HEPHL1: variants seen among roughly 807,000 people sequenced by gnomAD.
The protein encoded by HEPHL1 is hephaestin like 1.
In HEPHL1, 123 loss-of-function variants were observed where a neutral mutation model predicts 122.0. That is an observed-to-expected ratio of 1.01 (90% CI 0.87 to 1.17). The LOEUF is 1.17. Ranked by LOEUF, HEPHL1 falls within the 50% of genes most tolerant of loss-of-function variation. The probability of loss-of-function intolerance (pLI) is 0.00; values close to 1 mark genes in which losing one functional copy is unlikely to be tolerated. For synonymous variants in HEPHL1, 527 were observed against 508.9 expected, an observed-to-expected ratio of 1.04 and a Z score of -0.48; for missense variants, 1,452 against 1,430.5, an observed-to-expected ratio of 1.01 and a Z score of -0.24.
At chr11:94,042,793 T>TGCAGC (rs1232652724) in intron 1 of HEPHL1, among the ~76,000 whole-genome samples, 39 of 138,900 alleles carry the variant, frequency 2.8e-4, no homozygotes, top group Admixed American at 4.6e-4. Context: ...AGTTAGTGGG[T>TGCAGC]GCAGCGCACC....
chr11:94,108,107 G>T (rs1297634657), intron 17 of HEPHL1, among the ~76,000 whole-genome samples: 2 of 152,062 alleles, frequency 1.3e-5, no homozygotes, highest in East Asian at 3.9e-4. Flanking sequence ...TTGGGGAGGG[G>T]ATATAGTGGT....
At chr11:94,107,240 C>G (rs979136914) in intron 17 of HEPHL1, among the ~76,000 whole-genome samples, 1 of 152,162 alleles carries the variant, frequency 6.6e-6, no homozygotes, top group East Asian at 1.9e-4. Flanking sequence ...TATATTTCAA[C>G]GTTGTTTACG....
At chr11:94,063,017 G>T (rs890653733) in intron 2 of HEPHL1, among the ~76,000 whole-genome samples, 3 of 152,088 alleles carry the variant, frequency 2.0e-5, no homozygotes, top group African/African-American at 7.2e-5. Context: ...CTGCCCAACA[G>T]AACTATATGA....
Position 94,036,857 on chromosome 11 carries a change from A to T in HEPHL1, c.171-8816A>T, listed in dbSNP as rs555390720. Among the ~76,000 whole-genome samples, 92 of 149,588 alleles carry T rather than the reference A, an allele frequency of 6.2e-4. 1 individual carries two copies. The East Asian group carries it at 0.017, about 28-fold the overall frequency. On this transcript the variant is annotated intron_variant, in intron 1 of 19. Coordinates refer to ENST00000315765, the MANE Select transcript of HEPHL1 (RefSeq NM_001098672.2). ...CCGTCTCAAAAAAAAAAAAAAAAAAAGGGAGGAGCCAAGATGGCCGAATAG... is the reference window on the plus strand; with the variant it reads ...CCGTCTCAAAAAAAAAAAAAAAAAATGGGAGGAGCCAAGATGGCCGAATAG...
At position 94,088,856 on chromosome 11, in the gene HEPHL1, C is replaced by T. The variant is rs188202152; in HGVS notation, c.2182C>T (p.Arg728Trp). The T allele has an allele frequency of 7.4e-6, 12 of 1,613,932 alleles. No individual in the cohort carries two copies. The East Asian group carries it at 2.5e-4, about 33-fold the overall frequency. The change falls in exon 12 of 20, where the codon CGG becomes TGG. Residue 728 changes from arginine to tryptophan, a missense_variant. Coordinates refer to ENST00000315765, the MANE Select transcript of HEPHL1 (RefSeq NM_001098672.2). ...TGACAACAGGGACCCTTCTGAGCAG[C>T]GGTACGGGATGATAAGAACTTTTTA... ...SCDNRDPSEQ[R>W]YGMIRTFYIA...
intron 1 of HEPHL1, among the ~76,000 whole-genome samples, chr11:94,024,882 A>T (rs1945611242): frequency 6.6e-6 from 1 of 152,174 alleles, no homozygotes; most frequent in African/African-American, 2.4e-5. Flanking sequence ...CCTATGGAGG[A>T]TCCAGTACAG....
chr11:94,036,877 G>A lies in HEPHL1; in HGVS notation c.171-8796G>A, dbSNP rs768808943. 5.3e-5 allele frequency among the ~76,000 whole-genome samples: 8 copies of A among 150,088 alleles called. No individual in the cohort carries two copies. The South Asian group carries it at 8.5e-4, about 16-fold the overall frequency. On this transcript the variant is annotated intron_variant, in intron 1 of 19. Transcript: ENST00000315765. Reference sequence around the variant, plus strand: ...AAAAAAGGGAGGAGCCAAGATGGCCGAATAGGAACAGCTCTGGTCTACAGC... The same window carrying A: ...AAAAAAGGGAGGAGCCAAGATGGCCAAATAGGAACAGCTCTGGTCTACAGC...
chr11:94,026,047 G>A (rs1399635136), intron 1 of HEPHL1, among the ~76,000 whole-genome samples: 1 of 152,100 alleles, frequency 6.6e-6, no homozygotes, highest in Non-Finnish European at 1.5e-5. Context: ...AAGGCTGGTG[G>A]GATAGATGGT....
intron 1 of HEPHL1, among the ~76,000 whole-genome samples, chr11:94,033,172 A>C (rs1412397373): frequency 6.6e-6 from 1 of 152,152 alleles, no homozygotes; most frequent in Non-Finnish European, 1.5e-5. Context: ...AAGCTTTTTA[A>C]TAAACTTTCA....
intron 14 of HEPHL1, among the ~76,000 whole-genome samples, chr11:94,102,435 G>A (rs1175321670): frequency 1.3e-5 from 2 of 152,130 alleles, no homozygotes; most frequent in East Asian, 1.9e-4. Flanking sequence ...CACTTGAGAA[G>A]CTTTTAAAAA....
At chr11:94,060,002 C>T (rs1162489944) in intron 2 of HEPHL1, among the ~76,000 whole-genome samples, 2 of 151,336 alleles carry the variant, frequency 1.3e-5, no homozygotes, top group Non-Finnish European at 2.9e-5. Flanking sequence ...TAAATCTCTC[C>T]ATATAGAAAA....
Position 94,021,527 on chromosome 11 carries a change from C to G in HEPHL1, c.159C>G (p.Phe53Leu), listed in dbSNP as rs1945581982. Residue 53 changes from phenylalanine to leucine, a missense_variant, in exon 1 of 20, where the codon TTC (phenylalanine) becomes TTG (leucine). Physicochemically the swap from Phe to Leu is conservative, Grantham distance 22. Coordinates refer to ENST00000315765, the MANE Select transcript of HEPHL1 (RefSeq NM_001098672.2). ...QGKNVITGKS[F>L]TEDKLATLFL... ...AGAATGTTATTACTGGGAAAAGTTT[C>G]ACAGAAGACAAGTGAGTGAACTTAG... The G allele has an allele frequency of 6.2e-7, 1 of 1,607,282 alleles. No individual in the cohort carries two copies. Among genetic ancestry groups the G allele is most frequent in the Non-Finnish European group, 8.5e-7 (1 of 1,176,698 alleles).
At chr11:94,094,616 C>G (rs1385579765) in intron 13 of HEPHL1, among the ~76,000 whole-genome samples, 1 of 152,202 alleles carries the variant, frequency 6.6e-6, no homozygotes, top group Admixed American at 6.5e-5. Context: ...GTCCCACCAA[C>G]AGTGTAAAAG....
intron 8 of HEPHL1, among the ~76,000 whole-genome samples, chr11:94,074,777 C>A (rs547591827): frequency 1.3e-5 from 2 of 152,246 alleles, no homozygotes; most frequent in African/African-American, 2.4e-5. Flanking sequence ...ATTTCAAACT[C>A]TTTAAAGATA....
At position 94,112,224 on chromosome 11, in the gene HEPHL1, G is replaced by A. The variant is rs1200913987; in HGVS notation, c.*330G>A. On this transcript the variant is annotated 3_prime_UTR_variant, in exon 20 of 20. Coordinates refer to ENST00000315765, the MANE Select transcript of HEPHL1 (RefSeq NM_001098672.2). ...TTATATTCCATCTTTTATAATTCTT[G>A]AACAGTGCTTTCTTAGCTAACCACC... 1 of 182,808 alleles carries A rather than the reference G, an allele frequency of 5.5e-6. No individual in the cohort carries two copies. The highest frequency in any genetic ancestry group is 1.4e-4 in the East Asian group (1 of 7,344). 11.3% of individuals were successfully genotyped at this position (182,808 alleles called of 1,614,324 possible).
In HEPHL1 at chr11:94,073,065, G is replaced by A. The variant is rs1946089955; in HGVS notation, c.1273G>A (p.Gly425Arg). ...CTTCACACAAGGGGACAACAGAATA[G>A]GAGGAAAATACTGGAAGGTTCGGTA... ...LYFTQGDNRI[G>R]GKYWKVRYTE... The change falls in exon 7 of 20, where the codon GGA (glycine) becomes AGA (arginine). Residue 425 changes from glycine (G) to arginine (R), a missense_variant. Transcript: ENST00000315765. The A allele has an allele frequency of 6.2e-7, 1 of 1,612,844 alleles. No homozygotes were observed. Among genetic ancestry groups the A allele is most frequent in the Non-Finnish European group, 8.5e-7 (1 of 1,179,156 alleles).
chr11:94,086,412 G>A (rs945596903), intron 11 of HEPHL1, among the ~76,000 whole-genome samples: 2 of 152,210 alleles, frequency 1.3e-5, no homozygotes, highest in Non-Finnish European at 2.9e-5. Flanking sequence ...ACAGAAGTGG[G>A]AGCCTTCTAA....
chr11:94,045,308 T>C (rs921535333), intron 1 of HEPHL1, among the ~76,000 whole-genome samples: 1 of 152,262 alleles, frequency 6.6e-6, no homozygotes. Context: ...TTACAAACTT[T>C]TGTACACCAT....
At chr11:94,079,631 A>T (rs1220484011) in intron 9 of HEPHL1, among the ~76,000 whole-genome samples, 1 of 152,174 alleles carries the variant, frequency 6.6e-6, no homozygotes, top group Non-Finnish European at 1.5e-5. Flanking sequence ...GAGGGAATAC[A>T]TGCATGAAGG....
Sources: allele counts gnomAD v4.1 joint callset (sites outside exome capture counted in the v4.1 genomes callset), GRCh38; gene constraint gnomAD v4.1.1; transcripts MANE v1.5; gene names NCBI Gene and HGNC (gene_info 2026-07-23, HGNC 2026-07-21).